SDC2: variants seen among roughly 807,000 people sequenced by gnomAD.
The protein encoded by SDC2 is syndecan-2.
A neutral mutation model predicts 22.2 loss-of-function variants in SDC2; 13 were observed. The observed-to-expected ratio is 0.59, with a 90% CI of 0.38 to 0.93. The LOEUF is 0.93. SDC2 is among the 40% of genes least tolerant of loss of function. SDC2 has a pLI of 0.00. For synonymous variants in SDC2, 94 were observed against 92.8 expected (o/e 1.01, Z -0.07); for missense variants, 235 against 246.8 (o/e 0.95, Z 0.32).
intron 1 of SDC2, among the ~76,000 whole-genome samples, chr8:96,551,817 A>G (rs933612754): frequency 6.6e-6 from 1 of 152,146 alleles, no homozygotes; most frequent in African/African-American, 2.4e-5. Context: ...TTGGGTACCA[A>G]GTCTTCTTGT....
chr8:96,564,113 C>A (rs570750629), intron 1 of SDC2, among the ~76,000 whole-genome samples: 1 of 152,304 alleles, frequency 6.6e-6, no homozygotes, highest in Non-Finnish European at 1.5e-5. Context: ...TTTCTAAAGA[C>A]TCAGGTGTCC....
intron 3 of SDC2, among the ~76,000 whole-genome samples, chr8:96,603,577 G>A (rs1160040677): frequency 6.6e-6 from 1 of 152,202 alleles, no homozygotes; most frequent in East Asian, 1.9e-4. Context: ...GATGAAGGTG[G>A]CGACAGGCCT....
intron 1 of SDC2, among the ~76,000 whole-genome samples, chr8:96,583,059 ATT>A (rs60193555): frequency 0.85 from 90,940 of 107,138 alleles, 38,974 homozygotes; most frequent in Non-Finnish European, 0.92. Context: ...CTGAAGTGTG[ATT>A]TTTTTTTTTT....
At chr8:96,565,674 C>G (rs1435293207) in intron 1 of SDC2, among the ~76,000 whole-genome samples, 1 of 152,114 alleles carries the variant, frequency 6.6e-6, no homozygotes, top group Non-Finnish European at 1.5e-5. Context: ...TTCCCCGACT[C>G]CAGTCATACC....
intron 1 of SDC2, among the ~76,000 whole-genome samples, chr8:96,545,960 C>T (rs1185159626): frequency 6.6e-6 from 1 of 152,214 alleles, no homozygotes; most frequent in Non-Finnish European, 1.5e-5. Flanking sequence ...TGCATAATCC[C>T]CTGAGGTGAT....
At chr8:96,590,994 G>T (rs1814771441) in intron 1 of SDC2, among the ~76,000 whole-genome samples, 1 of 152,156 alleles carries the variant, frequency 6.6e-6, no homozygotes, top group African/African-American at 2.4e-5. Flanking sequence ...AGGCCTGACG[G>T]CTGTCCCAGG....
At chr8:96,511,480 A>T (rs1381650546) in intron 1 of SDC2, among the ~76,000 whole-genome samples, 1 of 152,228 alleles carries the variant, frequency 6.6e-6, no homozygotes, top group East Asian at 1.9e-4. Context: ...ACACTGATTT[A>T]TAGAAATAGT....
chr8:96,509,127 A>G (rs1813293120), intron 1 of SDC2, among the ~76,000 whole-genome samples: 1 of 142,196 alleles, frequency 7.0e-6, no homozygotes, highest in East Asian at 2.0e-4. Context: ...AGCTCTGCCA[A>G]TTTCTGGACT....
chr8:96,526,820 T>C (rs1813586129), intron 1 of SDC2, among the ~76,000 whole-genome samples: 1 of 152,100 alleles, frequency 6.6e-6, no homozygotes, highest in Admixed American at 6.5e-5. Flanking sequence ...TGACGATCCA[T>C]TGGTAGAACA....
intron 1 of SDC2, among the ~76,000 whole-genome samples, chr8:96,535,405 T>C (rs1474444432): frequency 6.6e-6 from 1 of 152,228 alleles, no homozygotes; most frequent in Non-Finnish European, 1.5e-5. Context: ...TAACAGAGCA[T>C]CCTGTATTTT....
chr8:96,581,323 A>G (rs1013148646), intron 1 of SDC2, among the ~76,000 whole-genome samples: 1 of 152,190 alleles, frequency 6.6e-6, no homozygotes, highest in Non-Finnish European at 1.5e-5. Context: ...CCCTGATATC[A>G]TAAGAATAAG....
chr8:96,495,382 C>T (rs1474618829), intron 1 of SDC2, among the ~76,000 whole-genome samples: 1 of 152,186 alleles, frequency 6.6e-6, no homozygotes, highest in African/African-American at 2.4e-5. Context: ...AATGAGCGCC[C>T]TCTAAAGGGA....
At chr8:96,591,737 G>A (rs1814784773) in intron 1 of SDC2, among the ~76,000 whole-genome samples, 1 of 152,046 alleles carries the variant, frequency 6.6e-6, no homozygotes, top group South Asian at 2.1e-4. Flanking sequence ...GTCCTCCAGG[G>A]GAAGTAAATG....
intron 1 of SDC2, among the ~76,000 whole-genome samples, chr8:96,572,352 G>C (rs770347849): frequency 2.0e-4 from 31 of 152,318 alleles, no homozygotes; most frequent in Non-Finnish European, 3.7e-4. Context: ...CTGAGGACCA[G>C]TGAGTCTGGC....
chr8:96,530,677 TA>T (rs1813647205), intron 1 of SDC2, among the ~76,000 whole-genome samples: 1 of 152,200 alleles, frequency 6.6e-6, no homozygotes, highest in African/African-American at 2.4e-5. Context: ...AAATATAAGT[TA>T]CTTTCTTTAT....
chr8:96,543,564 G>T (rs1813885850), intron 1 of SDC2, among the ~76,000 whole-genome samples: 1 of 152,134 alleles, frequency 6.6e-6, no homozygotes, highest in Admixed American at 6.5e-5. Flanking sequence ...AGTTTGAGCT[G>T]GTTTTCGGTG....
intron 1 of SDC2, among the ~76,000 whole-genome samples, chr8:96,585,469 T>C (rs776438847): frequency 6.6e-6 from 1 of 152,086 alleles, no homozygotes; most frequent in African/African-American, 2.4e-5. Flanking sequence ...GAGCATAGAC[T>C]CAGTGAGTGT....
intron 1 of SDC2, among the ~76,000 whole-genome samples, chr8:96,555,662 G>A (rs936490465): frequency 6.6e-6 from 1 of 152,154 alleles, no homozygotes; most frequent in African/African-American, 2.4e-5. Flanking sequence ...TCCCTTTGAT[G>A]TGTAATACGT....
intron 1 of SDC2, among the ~76,000 whole-genome samples, chr8:96,571,884 C>T (rs1319793002): frequency 3.3e-5 from 5 of 152,266 alleles, no homozygotes; most frequent in African/African-American, 2.4e-5. Context: ...TGGATCCTGG[C>T]GCTGTGAAGT....
Sources: allele counts gnomAD v4.1 joint callset (sites outside exome capture counted in the v4.1 genomes callset), GRCh38; gene constraint gnomAD v4.1.1; transcripts MANE v1.5; gene names NCBI Gene and HGNC (gene_info 2026-07-23, HGNC 2026-07-21).